THSD7B: variants seen among roughly 807,000 people sequenced by gnomAD.
THSD7B encodes thrombospondin type 1 domain containing 7B, also known as thrombospondin type-1 domain-containing protein 7B.
THSD7B carries 138 observed loss-of-function variants against 213.6 expected under a neutral mutation model. The observed-to-expected ratio is 0.65, with a 90% CI of 0.56 to 0.74. The LOEUF is 0.74. THSD7B is among the 30% of genes least tolerant of loss of function. The probability of loss-of-function intolerance (pLI) is 0.00; values close to 1 mark genes in which losing one functional copy is unlikely to be tolerated. For missense variants in THSD7B, 1,931 were observed against 1,991.5 expected (o/e 0.97, Z 0.58); for synonymous variants, 742 against 687.0 (o/e 1.08, Z -1.25).
At chr2:136,787,807 T>C (rs1681893875) in intron 1 of THSD7B, among the ~76,000 whole-genome samples, 1 of 148,384 alleles carries the variant, frequency 6.7e-6, no homozygotes, top group South Asian at 2.2e-4. Context: ...AGTGATTTTT[T>C]CCAAGCAGAA....
intron 5 of THSD7B, among the ~76,000 whole-genome samples, chr2:137,149,848 G>T (rs1206581541): frequency 6.6e-6 from 1 of 152,196 alleles, no homozygotes; most frequent in Non-Finnish European, 1.5e-5. Context: ...GAAGGGACAT[G>T]ACTTGTCTCA....
rs543581021 is a variant in THSD7B at position 137,008,025 on chromosome 2, A to G, written c.140-48395A>G. ...GGTCAGCTATCCAGATAAATTTGAT[A>G]TGATGTCAAAGCTATAAGACTTGAC... On this transcript the variant is annotated intron_variant, in intron 2 of 27. Coordinates refer to ENST00000409968, the MANE Select transcript of THSD7B (RefSeq NM_001316349.2). 2.6e-5 allele frequency among the ~76,000 whole-genome samples: 4 copies of G among 152,308 alleles called. No homozygotes were observed. The East Asian group carries it at 7.7e-4, about 29-fold the overall frequency.
intron 1 of THSD7B, among the ~76,000 whole-genome samples, chr2:136,877,037 G>A (rs999609827): frequency 7.9e-5 from 12 of 152,322 alleles, no homozygotes; most frequent in South Asian, 4.1e-4. Context: ...TGATGTGTGC[G>A]TCTGTGAATC....
intron 2 of THSD7B, among the ~76,000 whole-genome samples, chr2:136,934,175 C>CT (rs1259537946): frequency 6.6e-6 from 1 of 152,102 alleles, no homozygotes; most frequent in Non-Finnish European, 1.5e-5. Flanking sequence ...TTTCCAGAAA[C>CT]TTTTTATAGT....
intron 2 of THSD7B, among the ~76,000 whole-genome samples, chr2:137,009,310 T>A (rs2104832288): frequency 6.6e-6 from 1 of 152,272 alleles, no homozygotes; most frequent in Non-Finnish European, 1.5e-5. Flanking sequence ...TATTTTTAGG[T>A]CTACAGCAGT....
Position 137,098,065 on chromosome 2 carries a change from T to TCATTGTTAA in THSD7B, c.1199+2947_1199+2955dup, listed in dbSNP as rs535570661. Among the ~76,000 whole-genome samples the TCATTGTTAA allele has an allele frequency of 1.4e-3, 209 of 152,288 alleles. 1 individual carries two copies. Among genetic ancestry groups the TCATTGTTAA allele is most frequent in the African/African-American group, 4.7e-3 (197 of 41,546 alleles). On this transcript the variant is annotated intron_variant, in intron 4 of 27. Coordinates refer to ENST00000409968, the MANE Select transcript of THSD7B (RefSeq NM_001316349.2). ...TTGGTTTTATATTAGTGATTAAAAT[T>TCATTGTTAA]CATTGTTAACAAGGGAAAGGAAAAT...
chr2:137,584,917 G>T (rs1234588905), intron 17 of THSD7B, among the ~76,000 whole-genome samples: 1 of 152,204 alleles, frequency 6.6e-6, no homozygotes, highest in Non-Finnish European at 1.5e-5. Context: ...AATGGTACCA[G>T]CTCCTCCTTG....
chr2:137,019,312 T>G (rs1339280483), intron 2 of THSD7B, among the ~76,000 whole-genome samples: 1 of 152,180 alleles, frequency 6.6e-6, no homozygotes, highest in Non-Finnish European at 1.5e-5. Flanking sequence ...TGTTTCCAGT[T>G]TCAACACAAT....
chr2:137,340,288 T>G (rs1474972815), intron 12 of THSD7B, among the ~76,000 whole-genome samples: 1 of 151,952 alleles, frequency 6.6e-6, no homozygotes, highest in Non-Finnish European at 1.5e-5. Flanking sequence ...GTATAAAGGA[T>G]GTAAAGGTTT....
At chr2:137,035,152 T>G (rs988088204) in intron 2 of THSD7B, among the ~76,000 whole-genome samples, 1 of 152,172 alleles carries the variant, frequency 6.6e-6, no homozygotes, top group Admixed American at 6.5e-5. Context: ...CTTTATCGTT[T>G]CCCTTTTTTT....
intron 2 of THSD7B, among the ~76,000 whole-genome samples, chr2:136,910,230 A>C (rs1684234667): frequency 6.6e-6 from 1 of 151,968 alleles, no homozygotes; most frequent in South Asian, 2.1e-4. Flanking sequence ...AAAAGGTGCC[A>C]AGCAGGAGTG....
chr2:137,062,234 TC>T (rs1237540273), intron 3 of THSD7B, among the ~76,000 whole-genome samples: 3 of 151,670 alleles, frequency 2.0e-5, no homozygotes, highest in Non-Finnish European at 4.4e-5. Context: ...CTCTTTTTTT[TC>T]CTAACCTGGC....
chr2:137,096,522 G>T (rs1688043160), intron 4 of THSD7B, among the ~76,000 whole-genome samples: 1 of 152,142 alleles, frequency 6.6e-6, no homozygotes, highest in Non-Finnish European at 1.5e-5. Flanking sequence ...TTGCTAAAAT[G>T]ACCCCTTAGA....
chr2:137,515,196 T>C (rs1041508478), intron 15 of THSD7B, among the ~76,000 whole-genome samples: 1 of 152,188 alleles, frequency 6.6e-6, no homozygotes, highest in African/African-American at 2.4e-5. Context: ...AGGACCCTGA[T>C]GAAGCTGGAG....
chr2:137,665,375 T>C (rs777964135), intron 26 of THSD7B, among the ~76,000 whole-genome samples: 5 of 152,186 alleles, frequency 3.3e-5, no homozygotes, highest in Non-Finnish European at 5.9e-5. Context: ...TGTGTGTCTA[T>C]GTGTGTCTAG....
At chr2:136,770,410 C>A (rs1045094064) in intron 1 of THSD7B, among the ~76,000 whole-genome samples, 5 of 152,106 alleles carry the variant, frequency 3.3e-5, no homozygotes, top group African/African-American at 1.2e-4. Flanking sequence ...ATGAATACAG[C>A]CTTACTGGTA....
intron 1 of THSD7B, among the ~76,000 whole-genome samples, chr2:136,845,834 C>G (rs10496759): frequency 0.22 from 33,057 of 152,098 alleles, 3,968 homozygotes; most frequent in East Asian, 0.39. Context: ...CTCATCACAA[C>G]TTATTCCTGA....
intron 2 of THSD7B, among the ~76,000 whole-genome samples, chr2:136,889,689 C>T (rs56938998): frequency 0.29 from 43,680 of 151,954 alleles, 7,535 homozygotes; most frequent in East Asian, 0.82. Flanking sequence ...TGTCACATGC[C>T]CATCATTAAT....
intron 10 of THSD7B, among the ~76,000 whole-genome samples, chr2:137,245,206 G>A (rs1236220161): frequency 6.6e-6 from 1 of 152,156 alleles, no homozygotes; most frequent in Non-Finnish European, 1.5e-5. Flanking sequence ...TGGGGCATAA[G>A]AGCATGGATG....
Sources: gnomAD v4.1 joint callset for allele counts (sites outside exome capture counted in the v4.1 genomes callset) on GRCh38, gnomAD v4.1.1 for gene constraint, MANE v1.5 for transcripts, NCBI Gene and HGNC (gene_info 2026-07-23, HGNC 2026-07-21) for gene names.